MRTFB: variants seen among roughly 807,000 people sequenced by gnomAD.
MRTFB encodes the protein myocardin related transcription factor B.
MRTFB carries 29 observed loss-of-function variants against 104.2 expected under a neutral mutation model. The observed-to-expected ratio is 0.28, with a 90% CI of 0.21 to 0.38. MRTFB has a LOEUF of 0.38. Among genes scored for constraint, MRTFB ranks in the 10% least tolerant of loss-of-function variants. The pLI, the probability that MRTFB is intolerant of heterozygous loss-of-function variation, is 1.00. For synonymous variants in MRTFB, 535 were observed against 519.5 expected (o/e 1.03, Z -0.41); for missense variants, 1,270 against 1,341.6 (o/e 0.95, Z 0.83).
chr16:14,179,699 A>G (rs2039703694), intron 3 of MRTFB, among the ~76,000 whole-genome samples: 1 of 152,210 alleles, frequency 6.6e-6, no homozygotes, highest in South Asian at 2.1e-4. Flanking sequence ...CCTAGACTTA[A>G]CGATAACTAA....
At chr16:14,245,459 G>A in intron 10 of MRTFB, 69 bp from the exon 11 acceptor site, 1 of 1,381,540 alleles carries the variant, frequency 7.2e-7, no homozygotes, top group South Asian at 1.4e-5. Flanking sequence ...TAGTCAAATT[G>A]TTAATAGAAG....
In MRTFB at chr16:14,096,396, A is replaced by G. The variant is rs151148184; in HGVS notation, c.-64+17042A>G. Among the ~76,000 whole-genome samples, 395 of 152,300 alleles carry G rather than the reference A, an allele frequency of 2.6e-3. 1 individual carries two copies. Among genetic ancestry groups the G allele is most frequent in the African/African-American group, 9.0e-3 (375 of 41,568 alleles). On this transcript the variant is annotated intron_variant, in intron 2 of 16. Coordinates refer to ENST00000571589, the MANE Select transcript of MRTFB (RefSeq NM_001308142.2). Reference sequence around the variant, plus strand: ...CGGCAACCTGAGATTTAGAAAAGGAATAACTATTTCTAAGGAATTCTGAAG... The same window carrying G: ...CGGCAACCTGAGATTTAGAAAAGGAGTAACTATTTCTAAGGAATTCTGAAG...
intron 3 of MRTFB, among the ~76,000 whole-genome samples, chr16:14,195,196 T>C (rs2040379066): frequency 6.6e-6 from 1 of 152,194 alleles, no homozygotes; most frequent in African/African-American, 2.4e-5. Context: ...AGAACTTTTC[T>C]CCACATACTA....
chr16:14,225,841 A>G (rs1943991315), intron 8 of MRTFB, among the ~76,000 whole-genome samples: 1 of 152,192 alleles, frequency 6.6e-6, no homozygotes, highest in Non-Finnish European at 1.5e-5. Flanking sequence ...GCAGCTGGTC[A>G]CATCTTCAGA....
chr16:14,077,571 C>G (rs574140870), intron 1 of MRTFB, among the ~76,000 whole-genome samples: 1 of 145,102 alleles, frequency 6.9e-6, no homozygotes, highest in African/African-American at 2.5e-5. Flanking sequence ...ACTTTAGAAT[C>G]GTTTTGTCTA....
At position 14,261,273 on chromosome 16, in the gene MRTFB, T is replaced by TAC; in HGVS notation, c.3130_3131dup (p.Pro1045LeufsTer46). The TAC allele has an allele frequency of 6.2e-7, 1 of 1,614,174 alleles. No homozygotes were observed. The highest frequency in any genetic ancestry group is 8.5e-7 in the Non-Finnish European group (1 of 1,180,034). ...CTTCCGAGACCCAGTTTGCTGCAGG[T>TAC]ACTCCCTGTCTGTCTCTCGACCTGT... On this transcript the variant is annotated frameshift_variant, in exon 17 of 17. Coordinates refer to ENST00000571589, the MANE Select transcript of MRTFB (RefSeq NM_001308142.2). LOFTEE classifies it high-confidence loss of function.
At chr16:14,168,102 C>G (rs1447645627) in intron 3 of MRTFB, among the ~76,000 whole-genome samples, 1 of 152,074 alleles carries the variant, frequency 6.6e-6, no homozygotes, top group African/African-American at 2.4e-5. Context: ...ATTCTTTCCT[C>G]ATTGTTTGCT....
At chr16:14,072,253 A>G (rs1284547801) in intron 1 of MRTFB, among the ~76,000 whole-genome samples, 1 of 152,138 alleles carries the variant, frequency 6.6e-6, no homozygotes, top group Non-Finnish European at 1.5e-5. Flanking sequence ...CCCTGAAATG[A>G]AATTCATAAA....
At chr16:14,101,014 T>G (rs774665737) in intron 2 of MRTFB, among the ~76,000 whole-genome samples, 30 of 152,266 alleles carry the variant, frequency 2.0e-4, no homozygotes, top group Admixed American at 5.9e-4. Context: ...AGCTTTTGGT[T>G]TATTGATTTT....
intron 15 of MRTFB, among the ~76,000 whole-genome samples, chr16:14,257,397 T>C (rs892135893): frequency 2.0e-5 from 3 of 152,168 alleles, no homozygotes; most frequent in African/African-American, 7.2e-5. Context: ...AATGCAATGC[T>C]ACTCAGCAAT....
chr16:14,073,399 A>G (rs2033852396), intron 1 of MRTFB, among the ~76,000 whole-genome samples: 1 of 152,246 alleles, frequency 6.6e-6, no homozygotes, highest in Admixed American at 6.5e-5. Flanking sequence ...ACCACTCCAA[A>G]CATCAGTGTT....
At chr16:14,058,258 G>A in the MRTFB span, among the ~76,000 whole-genome samples, 1 of 152,180 alleles carries the variant, frequency 6.6e-6, no homozygotes, top group South Asian at 2.1e-4. Context: ...GTTCTCGGAA[G>A]GAATCTTTAG....
intron 3 of MRTFB, chr16:14,141,568 T>C (rs1470614383): frequency 6.6e-6 from 1 of 152,206 alleles, no homozygotes; most frequent in Non-Finnish European, 1.5e-5. Flanking sequence ...TTCAGTTTTT[T>C]AAAAGCCAGA....
chr16:14,172,759 A>T (rs765649369), intron 3 of MRTFB, among the ~76,000 whole-genome samples: 5 of 152,184 alleles, frequency 3.3e-5, no homozygotes, highest in Non-Finnish European at 5.9e-5. Flanking sequence ...ATTATGGGTA[A>T]GGGTGAACCT....
the MRTFB span, among the ~76,000 whole-genome samples, chr16:14,065,081 T>C: frequency 1.3e-5 from 2 of 152,328 alleles, no homozygotes; most frequent in South Asian, 4.1e-4. Flanking sequence ...TGATTCTTCC[T>C]GTCCATGAGC....
chr16:14,200,186 C>A, intron 3 of MRTFB: 1 of 905,440 alleles, frequency 1.1e-6, no homozygotes, highest in Non-Finnish European at 1.6e-6. Flanking sequence ...TGAGGATATT[C>A]ATTATAGCAT....
the MRTFB span, among the ~76,000 whole-genome samples, chr16:14,049,135 A>C: frequency 1.8e-4 from 28 of 152,224 alleles, no homozygotes; most frequent in African/African-American, 6.5e-4. Flanking sequence ...GCTGCTAAAC[A>C]CCCTACAGCT....
In MRTFB at chr16:14,225,256, CTACT is replaced by C. The variant is rs138831543; in HGVS notation, c.693+6260_693+6263del. Among the ~76,000 whole-genome samples the C allele has an allele frequency of 2.0e-5, 3 of 152,248 alleles. No homozygotes were observed. The East Asian group carries it at 5.8e-4, about 29-fold the overall frequency. On this transcript the variant is annotated intron_variant, in intron 8 of 16. Transcript: ENST00000571589. ...AGTATTATAATTTTGGTCTGTAACT[CTACT>C]TTTTTTCCTACAGGATTTAAAATAC...
intron 3 of MRTFB, among the ~76,000 whole-genome samples, chr16:14,199,252 C>A (rs1036396684): frequency 2.0e-5 from 3 of 152,196 alleles, no homozygotes; most frequent in African/African-American, 7.2e-5. Flanking sequence ...CCTCTGCCTT[C>A]CTTTGTTGGA....
Sources: gnomAD v4.1 joint callset for allele counts (sites outside exome capture counted in the v4.1 genomes callset) on GRCh38, gnomAD v4.1.1 for gene constraint, MANE v1.5 for transcripts, NCBI Gene and HGNC (gene_info 2026-07-23, HGNC 2026-07-21) for gene names.